OSBPL9: variants seen among roughly 807,000 people sequenced by gnomAD.
OSBPL9 encodes the protein oxysterol binding protein like 9.
OSBPL9 carries 40 observed loss-of-function variants against 106.6 expected under a neutral mutation model. That is an observed-to-expected ratio of 0.38 (90% confidence interval 0.29 to 0.49). The LOEUF (loss-of-function observed/expected upper bound fraction) is 0.49, where lower values mean the gene tolerates loss of function less well. Among genes scored for constraint, OSBPL9 ranks in the 20% least tolerant of loss-of-function variants. The pLI is 0.97. For missense variants in OSBPL9, 609 were observed against 887.2 expected (o/e 0.69, Z 3.98); for synonymous variants, 269 against 295.4 (o/e 0.91, Z 0.92).
intron 14 of OSBPL9, among the ~76,000 whole-genome samples, chr1:51,774,179 A>C (rs530119408): frequency 7.9e-5 from 12 of 152,300 alleles, no homozygotes; most frequent in African/African-American, 2.4e-4. Context: ...GAACTGAATC[A>C]GAGTTCTTGG....
intron 17 of OSBPL9, among the ~76,000 whole-genome samples, 157 bp from the exon 18 acceptor site, chr1:51,783,758 A>G (rs75137599): frequency 0.013 from 1,947 of 152,270 alleles, 40 homozygotes; most frequent in African/African-American, 0.042. Flanking sequence ...CATTGGGGAA[A>G]AGGGTATAAA....
At chr1:51,782,441 A>AATAT in intron 16 of OSBPL9, 118 bp from the exon 17 acceptor site, 1 of 663,188 alleles carries the variant, frequency 1.5e-6, no homozygotes, top group East Asian at 2.8e-5. Context: ...CTACAATAGA[A>AATAT]ATATATATAT....
chr1:51,733,845 CTCTAACA>C (rs917016868), intron 4 of OSBPL9, among the ~76,000 whole-genome samples: 13 of 151,972 alleles, frequency 8.6e-5, no homozygotes, highest in African/African-American at 3.1e-4. Context: ...TCTATAGGAC[CTCTAACA>C]TGATTAAAAT....
chr1:51,556,387 C>T, the OSBPL9 span, among the ~76,000 whole-genome samples: 6 of 152,102 alleles, frequency 3.9e-5, no homozygotes, highest in South Asian at 8.3e-4. Flanking sequence ...ATGAGTAATC[C>T]CATGTCCCTC....
At chr1:51,783,432 C>G (rs1004241478) in intron 17 of OSBPL9, among the ~76,000 whole-genome samples, 8 of 151,772 alleles carry the variant, frequency 5.3e-5, no homozygotes, top group African/African-American at 1.9e-4. Context: ...GTGATCCTCC[C>G]GTCTTGGCCT....
chr1:51,553,109 G>A, the OSBPL9 span, among the ~76,000 whole-genome samples: 2 of 152,082 alleles, frequency 1.3e-5, no homozygotes, highest in African/African-American at 4.8e-5. Context: ...CATCTGGATA[G>A]AGCTTGTCAG....
chr1:51,763,171 A>G (rs998748301), intron 11 of OSBPL9, among the ~76,000 whole-genome samples: 1 of 151,682 alleles, frequency 6.6e-6, no homozygotes, highest in Non-Finnish European at 1.5e-5. Context: ...ACGCCCCACA[A>G]ATTTTTGTAT....
intron 1 of OSBPL9, among the ~76,000 whole-genome samples, chr1:51,593,769 G>A (rs1241818439): frequency 6.6e-6 from 1 of 152,032 alleles, no homozygotes; most frequent in Non-Finnish European, 1.5e-5. Context: ...AGGTAAGTAA[G>A]ATTGGGAATT....
chr1:51,692,225 G>A (rs888370200), intron 3 of OSBPL9, among the ~76,000 whole-genome samples: 4 of 152,156 alleles, frequency 2.6e-5, no homozygotes, highest in African/African-American at 4.8e-5. Context: ...TGAGAGAATC[G>A]CTTGAGCCTG....
Position 51,788,860 on chromosome 1 carries a change from T to C in OSBPL9, c.*1071T>C, listed in dbSNP as rs1571826018. ...ACTATATCTATCTATCTATCTATCA[T>C]CTTTTTTATTTAAAAATACATTAAA... On this transcript the variant is annotated 3_prime_UTR_variant, in exon 24 of 24. Coordinates refer to ENST00000428468, the MANE Select transcript of OSBPL9 (RefSeq NM_024586.6). Among the ~76,000 whole-genome samples the C allele has an allele frequency of 6.6e-6, 1 of 151,868 alleles. No homozygotes were observed. Among genetic ancestry groups the C allele is most frequent in the Non-Finnish European group, 1.5e-5 (1 of 68,006 alleles).
upstream of OSBPL9, among the ~76,000 whole-genome samples, chr1:51,612,495 A>G (rs1269597181): frequency 6.6e-6 from 1 of 152,200 alleles, no homozygotes; most frequent in Non-Finnish European, 1.5e-5. Context: ...TCACTGAGGA[A>G]TGTAGGAACT....
chr1:51,745,790 G>A (rs1029009855), intron 5 of OSBPL9, among the ~76,000 whole-genome samples, 159 bp downstream of exon 5: 1 of 151,858 alleles, frequency 6.6e-6, no homozygotes, highest in African/African-American at 2.4e-5. Flanking sequence ...CTTATTCAAA[G>A]GTCTTTATCT....
the OSBPL9 span, among the ~76,000 whole-genome samples, chr1:51,560,244 G>C: frequency 6.6e-6 from 1 of 152,232 alleles, no homozygotes; most frequent in Non-Finnish European, 1.5e-5. Flanking sequence ...GTGGCTTCCA[G>C]AGGCTCTGTT....
At chr1:51,558,496 TGCAGAGTGCA>T in the OSBPL9 span, among the ~76,000 whole-genome samples, 3 of 152,142 alleles carry the variant, frequency 2.0e-5, no homozygotes, top group African/African-American at 7.2e-5. Flanking sequence ...TGCATTCTGA[TGCAGAGTGCA>T]GCTGGCACTA....
intron 2 of OSBPL9, among the ~76,000 whole-genome samples, chr1:51,610,489 AC>A (rs1292790874): frequency 1.3e-5 from 2 of 152,138 alleles, no homozygotes; most frequent in Non-Finnish European, 1.5e-5. Flanking sequence ...TGAACTCCTA[AC>A]CTTAATTCAG....
intron 3 of OSBPL9, among the ~76,000 whole-genome samples, chr1:51,675,174 GT>G (rs1408033560): frequency 6.6e-6 from 1 of 152,144 alleles, no homozygotes; most frequent in Non-Finnish European, 1.5e-5. Flanking sequence ...ACAGATTCCA[GT>G]CATTAAGCAG....
intron 3 of OSBPL9, among the ~76,000 whole-genome samples, chr1:51,711,161 C>T (rs1405319017): frequency 2.0e-5 from 3 of 152,018 alleles, no homozygotes; most frequent in Non-Finnish European, 2.9e-5. Flanking sequence ...CCACCTTTCC[C>T]CCCTTTCTAT....
At chr1:51,584,723 A>T (rs1272829590) in intron 1 of OSBPL9, among the ~76,000 whole-genome samples, 1 of 152,134 alleles carries the variant, frequency 6.6e-6, no homozygotes, top group African/African-American at 2.4e-5. Context: ...TCTCAAAATA[A>T]AATAAAATAA....
intron 1 of OSBPL9, among the ~76,000 whole-genome samples, chr1:51,585,433 GACTATGCTT>G: frequency 6.6e-6 from 1 of 152,100 alleles, no homozygotes; most frequent in Admixed American, 6.6e-5. Context: ...TAGTGGCTAA[GACTATGCTT>G]AATAAAGGTT....
Sources: gnomAD v4.1 joint callset for allele counts (sites outside exome capture counted in the v4.1 genomes callset) on GRCh38, gnomAD v4.1.1 for gene constraint, MANE v1.5 for transcripts, NCBI Gene and HGNC (gene_info 2026-07-23, HGNC 2026-07-21) for gene names.